The following ADAMTS7 variants were observed in gnomAD, a reference collection of about 807,000 sequenced individuals.
ADAMTS7 encodes the protein ADAM metallopeptidase with thrombospondin type 1 motif 7.
Under a neutral mutation model 172.6 loss-of-function variants are expected in ADAMTS7, and 89 were observed. The observed-to-expected ratio is 0.52, with a 90% CI of 0.43 to 0.61. The LOEUF (loss-of-function observed/expected upper bound fraction) is 0.61. ADAMTS7 is among the 20% of genes least tolerant of loss of function. The pLI is 0.00. For synonymous variants in ADAMTS7, 885 were observed against 978.4 expected, an observed-to-expected ratio of 0.90 and a Z score of 1.78; for missense variants, 1,973 against 2,355.6, an observed-to-expected ratio of 0.84 and a Z score of 3.36.
chr15:78,784,522 T>C (rs1184926042), intron 8 of ADAMTS7, among the ~76,000 whole-genome samples: 2 of 151,902 alleles, frequency 1.3e-5, no homozygotes, highest in Non-Finnish European at 2.9e-5. Context: ...TATTAAGGGT[T>C]CCAGAAAGAG....
intron 4 of ADAMTS7, among the ~76,000 whole-genome samples, chr15:78,791,492 G>A (rs1376442962): frequency 1.3e-5 from 2 of 152,196 alleles, no homozygotes; most frequent in Admixed American, 1.3e-4. Context: ...TCCCAGAGTT[G>A]CAGCCTCTCC....
intron 14 of ADAMTS7, among the ~76,000 whole-genome samples, chr15:78,772,854 G>C (rs1172087395): frequency 6.6e-6 from 1 of 152,256 alleles, no homozygotes. Flanking sequence ...AGCCGGGTTG[G>C]CCCTATCTGG....
intron 1 of ADAMTS7, among the ~76,000 whole-genome samples, chr15:78,810,283 T>C (rs1308812521): frequency 6.6e-6 from 1 of 152,190 alleles, no homozygotes; most frequent in Admixed American, 6.5e-5. Flanking sequence ...ATTGCAGGAC[T>C]CTCCCCACTA....
At chr15:78,769,226 T>C (rs1032948520) in intron 16 of ADAMTS7, among the ~76,000 whole-genome samples, 6 of 152,090 alleles carry the variant, frequency 3.9e-5, no homozygotes, top group African/African-American at 1.4e-4. Flanking sequence ...ACAGCCACGC[T>C]CCTCACCTTG....
At chr15:78,762,217 G>T (rs1384609825) in intron 23 of ADAMTS7, 186 bp downstream of exon 23, 4 of 738,790 alleles carry the variant, frequency 5.4e-6, no homozygotes, top group Non-Finnish European at 6.6e-6. Flanking sequence ...CTGACTCCCA[G>T]CACAGCCCAG....
intron 1 of ADAMTS7, 49 bp downstream of exon 1, chr15:78,811,072 G>A (rs1175425183): frequency 2.4e-6 from 3 of 1,228,158 alleles, no homozygotes; most frequent in Non-Finnish European, 3.0e-6. Flanking sequence ...GACTGGGGGA[G>A]CGGGAAGGGG....
In ADAMTS7 at chr15:78,771,853, G is replaced by C. The variant is rs749752717; in HGVS notation, c.2132-24C>G. 1.4e-5 allele frequency: 23 copies of C among 1,601,568 alleles called. No individual in the cohort carries two copies. Among genetic ancestry groups the C allele is most frequent in the Non-Finnish European group, 2.0e-5 (23 of 1,176,378 alleles). On this transcript the variant is annotated intron_variant, in intron 14 of 23. Coordinates refer to ENST00000388820, the MANE Select transcript of ADAMTS7 (RefSeq NM_014272.5). The surrounding 1 kb of genome is among the most constrained non-coding windows in gnomAD (Gnocchi z 4.9). ...CCCTGTCAGCCAAGGGTTGTGCATA[G>C]GTTGTGCCCAGGGTGAGAGGGTTGC... is the stretch of plus-strand genomic sequence containing the variant.
At position 78,797,997 on chromosome 15, in the gene ADAMTS7, C is replaced by G. The variant is rs754413088; in HGVS notation, c.573G>C (p.Arg191Ser). ...HVVYKRQAPE[R>S]LAQRGDSSAP... ...CACTGGAATCACCCCGCTGTGCCAG[C>G]CTCTCCGGGGCCTGACGCTTGTACA... Residue 191 changes from arginine to serine, a missense_variant, in exon 3 of 24, where the codon AGG becomes AGC. Physicochemically the swap from Arg to Ser is moderately radical, Grantham distance 110. Around this residue, in one of 8 missense-constraint regions of ADAMTS7, gnomAD observed 306 missense variants for 288.0 expected, o/e 1.06. Coordinates refer to ENST00000388820, the MANE Select transcript of ADAMTS7 (RefSeq NM_014272.5). The G allele has an allele frequency of 7.5e-6, 12 of 1,591,478 alleles. No individual in the cohort carries two copies. The highest frequency in any genetic ancestry group is 1.0e-5 in the Non-Finnish European group (12 of 1,171,170).
At chr15:78,789,592 C>T (rs2055549971) in intron 7 of ADAMTS7, 97 bp downstream of exon 7, 4 of 1,501,808 alleles carry the variant, frequency 2.7e-6, no homozygotes, top group Admixed American at 1.9e-5. Context: ...GCTTCCTTTC[C>T]CCTGGACTTT....
At position 78,764,174 on chromosome 15, in the gene ADAMTS7, G is replaced by A. The variant is rs572780623; in HGVS notation, c.4420-75C>T. 44 of 1,363,176 alleles carry A rather than the reference G, an allele frequency of 3.2e-5. No individual in the cohort carries two copies. In the African/African-American group the frequency reaches 4.9e-4, roughly 15 times the overall value. 84.4% of individuals were successfully genotyped at this position (1,363,176 alleles called of 1,614,324 possible). A position where few individuals can be genotyped will look rare whatever the true frequency, so the allele number is the denominator to read the frequency against. On this transcript the variant is annotated intron_variant, in intron 20 of 23. Coordinates refer to ENST00000388820, the MANE Select transcript of ADAMTS7 (RefSeq NM_014272.5). ...GGCGTGACCCCGTGAGGTGTGTGGC[G>A]GGAAAGGCATCCAGGCCCACGCCCC...
chr15:78,761,285 T>C (rs2055039357), intron 23 of ADAMTS7, among the ~76,000 whole-genome samples: 1 of 152,136 alleles, frequency 6.6e-6, no homozygotes, highest in African/African-American at 2.4e-5. Flanking sequence ...CCGGGGAGAT[T>C]GCAGGGGGCC....
At position 78,776,211 on chromosome 15, in the gene ADAMTS7, G is replaced by C; in HGVS notation, c.1683C>G (p.Ala561=). ...ACGTAGGCTGCGTGCACTGCCGCTCGGCGCTCTGTACGCCCATGCCACAGC... is the reference window on the plus strand; with the variant it reads ...ACGTAGGCTGCGTGCACTGCCGCTCCGCGCTCTGTACGCCCATGCCACAGC... ...SRSCGMGVQS[A]ERQCTQPTPK... Residue 561 remains alanine, a synonymous_variant, in exon 11 of 24, where the codon GCC becomes GCG. Transcript: ENST00000388820. The C allele has an allele frequency of 6.2e-7, 1 of 1,611,248 alleles. No individual in the cohort carries two copies. Among genetic ancestry groups the C allele is most frequent in the Non-Finnish European group, 8.5e-7 (1 of 1,179,700 alleles).
intron 11 of ADAMTS7, among the ~76,000 whole-genome samples, chr15:78,775,357 C>G (rs1368137675): frequency 1.3e-5 from 2 of 152,214 alleles, no homozygotes; most frequent in Non-Finnish European, 2.9e-5. Flanking sequence ...TGGCCCCCAC[C>G]CAGCTCAGAC....
At chr15:78,775,848 C>T (rs1258687633) in intron 11 of ADAMTS7, among the ~76,000 whole-genome samples, 2 of 152,292 alleles carry the variant, frequency 1.3e-5, no homozygotes, top group Non-Finnish European at 2.9e-5. Flanking sequence ...AGAGGAGATT[C>T]GAACCCTGAG....
Position 78,771,145 on chromosome 15 carries a change from C to A in ADAMTS7, c.2518+17G>T, listed in dbSNP as rs748046506. 2 of 1,591,530 alleles carry A rather than the reference C, an allele frequency of 1.3e-6. No individual in the cohort carries two copies. Among genetic ancestry groups the A allele is most frequent in the South Asian group, 1.1e-5 (1 of 88,300 alleles). On this transcript the variant is annotated intron_variant, in intron 16 of 23. Coordinates refer to ENST00000388820, the MANE Select transcript of ADAMTS7 (RefSeq NM_014272.5). The surrounding 1 kb of genome is among the most constrained non-coding windows in gnomAD (Gnocchi z 4.9). Reference sequence around the variant, plus strand: ...CTAAGCCCCTGCAGGTGGGGCTGTGCCTGCCCCACTTCTCACCTCTGCCGC... The same window carrying A: ...CTAAGCCCCTGCAGGTGGGGCTGTGACTGCCCCACTTCTCACCTCTGCCGC...
At position 78,764,664 on chromosome 15, in the gene ADAMTS7, C is replaced by T. The variant is rs200895233; in HGVS notation, c.4310G>A (p.Arg1437His). The change falls in exon 20 of 24, where the codon CGC (arginine) becomes CAC (histidine). Residue 1437 changes from arginine (R) to histidine (H), a missense_variant. Arg to His is a conservative substitution (Grantham distance 29). Coordinates refer to ENST00000388820, the MANE Select transcript of ADAMTS7 (RefSeq NM_014272.5). ...GTCCTCATCCCGGCCGGAGCTACAG[C>T]GCACCGGCCTCCAGACCGCACCCAG... ...CGLGAVWRPV[R>H]CSSGRDEDCA... is the part of the protein sequence containing the mutation. 1,370 of 1,572,054 alleles carry T rather than the reference C, an allele frequency of 8.7e-4. 3 individuals carry two copies. The highest frequency in any genetic ancestry group is 1.6e-3 in the Admixed American group (90 of 55,696).
At chr15:78,780,809 G>A (rs998687921) in intron 8 of ADAMTS7, among the ~76,000 whole-genome samples, 53 of 152,350 alleles carry the variant, frequency 3.5e-4, no homozygotes, top group African/African-American at 1.2e-3. Flanking sequence ...TAGAAGGCAG[G>A]CTCCTTCTCC....
rs114265071 is a variant in ADAMTS7, at chr15:78,791,342, T to C, written c.820-119A>G. ...CACACCTGTGCTCACACACAGGGAC[T>C]CTCACACTGGTGCACACAGGCTGCA... is the stretch of plus-strand genomic sequence containing the variant. On this transcript the variant is annotated intron_variant, in intron 4 of 23. Coordinates refer to ENST00000388820, the MANE Select transcript of ADAMTS7 (RefSeq NM_014272.5). 883 of 736,906 alleles carry C rather than the reference T, an allele frequency of 1.2e-3. 5 individuals are homozygous for C. The African/African-American group carries it at 0.015, about 12-fold the overall frequency. The allele number at this position is 736,906 out of a possible 1,614,324, so 45.6% of individuals were successfully genotyped here. A position where few individuals can be genotyped will look rare whatever the true frequency, so the allele number is the denominator to read the frequency against.
chr15:78,797,923 G>A lies in ADAMTS7; in HGVS notation c.622+25C>T, dbSNP rs200886608. 215 of 1,588,672 alleles carry A rather than the reference G, an allele frequency of 1.4e-4. 1 individual carries two copies. The highest frequency in any genetic ancestry group is 2.3e-4 in the East Asian group (10 of 43,524). On this transcript the variant is annotated intron_variant, in intron 3 of 23. Transcript: ENST00000388820. ...ATGTCCCCAGGCCCAGCACCCACCC[G>A]AGAACTGGGAGCAGAAGAGCATACC...
Sources: allele counts gnomAD v4.1 joint callset (sites outside exome capture counted in the v4.1 genomes callset), GRCh38; gene constraint gnomAD v4.1.1; regional missense constraint gnomAD v4.1.1; non-coding constraint Gnocchi (gnomAD v3.1); transcripts MANE v1.5; gene names NCBI Gene and HGNC (gene_info 2026-07-23, HGNC 2026-07-21).